Variants in IGBP1 observed in about 807,000 individuals in gnomAD.
IGBP1 encodes immunoglobulin-binding protein 1.
A neutral mutation model predicts 25.9 loss-of-function variants in IGBP1; 2 were observed. That is an observed-to-expected ratio of 0.08 (90% CI 0.03 to 0.24). IGBP1 has a LOEUF of 0.24. Ranked by LOEUF, IGBP1 falls within the 10% of genes least tolerant of loss-of-function variation. IGBP1 has a pLI of 1.00. For missense variants in IGBP1, 187 were observed against 260.4 expected, an observed-to-expected ratio of 0.72 and a Z score of 1.94; for synonymous variants, 96 against 93.4, an observed-to-expected ratio of 1.03 and a Z score of -0.16.
chrX:70,157,381 C>T (rs2085247857), intron 6 of IGBP1, among the ~76,000 whole-genome samples: 1 of 111,090 alleles, frequency 9.0e-6, no homozygotes, highest in Non-Finnish European at 1.9e-5. Context: ...AAATTGGACA[C>T]GTGTATACTC....
chrX:70,137,244 C>T (rs1005199519), intron 3 of IGBP1, among the ~76,000 whole-genome samples: 9 of 110,590 alleles, frequency 8.1e-5, no homozygotes, highest in Admixed American at 4.8e-4. Context: ...GGAAAGATGT[C>T]CATGTTTCTG....
intron 6 of IGBP1, among the ~76,000 whole-genome samples, chrX:70,152,658 A>T (rs1026742874): frequency 8.9e-6 from 1 of 112,393 alleles, no homozygotes; most frequent in Non-Finnish European, 1.9e-5. Context: ...TCAGCAGAGA[A>T]ATAGAAACTA....
At chrX:70,134,929 A>G in intron 3 of IGBP1, 113 bp downstream of exon 3, 1 of 749,333 alleles carries the variant, frequency 1.3e-6, no homozygotes, top group Non-Finnish European at 2.1e-6. Flanking sequence ...CTTGGTTCTT[A>G]TTGAGCATAG....
chrX:70,148,375 G>A (rs1448676130), intron 4 of IGBP1, among the ~76,000 whole-genome samples: 2 of 112,036 alleles, frequency 1.8e-5, no homozygotes, highest in African/African-American at 6.5e-5. Flanking sequence ...TAGAAGGGTC[G>A]TAGTGATTCA....
At chrX:70,136,727 T>A (rs867676269) in intron 3 of IGBP1, among the ~76,000 whole-genome samples, 2 of 107,674 alleles carry the variant, frequency 1.9e-5, no homozygotes, top group African/African-American at 6.9e-5. Context: ...TTATTATTAT[T>A]ATACAGAGTT....
At chrX:70,139,840 G>T (rs1281395720) in intron 3 of IGBP1, among the ~76,000 whole-genome samples, 2 of 111,837 alleles carry the variant, frequency 1.8e-5, no homozygotes, top group Non-Finnish European at 1.9e-5. Context: ...CCAAGGCCTT[G>T]TGTGATCTGC....
intron 6 of IGBP1, among the ~76,000 whole-genome samples, chrX:70,158,720 G>A (rs1011439097): frequency 3.7e-4 from 41 of 111,307 alleles, no homozygotes; most frequent in African/African-American, 1.3e-3. Context: ...GTACGTGCCT[G>A]TAGTCCCAGC....
intron 4 of IGBP1, among the ~76,000 whole-genome samples, chrX:70,147,380 G>A (rs2085173390): frequency 9.1e-6 from 1 of 110,175 alleles, no homozygotes. Context: ...CTGAGATCAT[G>A]CCACTGCACT....
chrX:70,155,536 T>C (rs2085235048), intron 6 of IGBP1, among the ~76,000 whole-genome samples: 1 of 106,502 alleles, frequency 9.4e-6, no homozygotes, highest in Middle Eastern at 4.4e-3. Flanking sequence ...TTGAGCATCC[T>C]AAATCTGAAA....
chrX:70,146,474 G>T (rs987639348), intron 3 of IGBP1, among the ~76,000 whole-genome samples, 159 bp from the exon 4 acceptor site: 5 of 110,875 alleles, frequency 4.5e-5, no homozygotes, highest in African/African-American at 1.6e-4. Context: ...GAACTGCCTG[G>T]TGGCTAATTC....
intron 6 of IGBP1, among the ~76,000 whole-genome samples, chrX:70,162,175 A>G (rs758728693): frequency 2.1e-4 from 23 of 111,672 alleles, no homozygotes; most frequent in Non-Finnish European, 4.0e-4. Flanking sequence ...ACCTACAAAT[A>G]CCACTTTGGT....
chrX:70,155,599 G>A (rs1297560293), intron 6 of IGBP1, among the ~76,000 whole-genome samples: 1 of 110,895 alleles, frequency 9.0e-6, no homozygotes, highest in Admixed American at 9.6e-5. Context: ...CTAATGTGAT[G>A]CTTAAAGGAA....
Position 70,150,375 on chromosome X carries a change from C to T in IGBP1, c.871+53C>T, listed in dbSNP as rs6625582. On this transcript the variant is annotated intron_variant, in intron 6 of 6. Coordinates refer to ENST00000356413, the MANE Select transcript of IGBP1 (RefSeq NM_001551.3). ...GTACCACTGGTCTTTTACTCCCTGG[C>T]AATTAAGTTCTTACCAAGTATAGTT... 4.3e-3 allele frequency: 3,154 copies of T among 740,281 alleles called. 52 individuals are homozygous for T. The African/African-American group carries it at 0.059, about 14-fold the overall frequency. The allele number at this position is 740,281 out of a possible 1,213,427, so 61.0% of individuals were successfully genotyped here. A position where few individuals can be genotyped will look rare whatever the true frequency, so the allele number is the denominator to read the frequency against.
intron 3 of IGBP1, among the ~76,000 whole-genome samples, chrX:70,135,151 C>T (rs1455773970): frequency 8.9e-6 from 1 of 112,139 alleles, no homozygotes; most frequent in African/African-American, 3.2e-5. Context: ...AAAGCTAGGC[C>T]ATTTTATGGT....
chrX:70,145,573 G>C (rs771581067), intron 3 of IGBP1, among the ~76,000 whole-genome samples: 1 of 111,384 alleles, frequency 9.0e-6, no homozygotes, highest in Non-Finnish European at 1.9e-5. Flanking sequence ...AAAATACCAT[G>C]ATATTTGATA....
chrX:70,138,930 A>G (rs1257620740), intron 3 of IGBP1, among the ~76,000 whole-genome samples: 3 of 112,347 alleles, frequency 2.7e-5, no homozygotes, highest in Non-Finnish European at 5.6e-5. Context: ...AAGTGTTTGA[A>G]TATTTTGAGG....
At chrX:70,146,603 G>C in intron 3 of IGBP1, 30 bp from the exon 4 acceptor site, 1 of 1,165,944 alleles carries the variant, frequency 8.6e-7, no homozygotes, top group South Asian at 1.8e-5. Flanking sequence ...TCATTTGTAA[G>C]TTCATGGGTA....
At chrX:70,138,135 C>CA (rs1161746139) in intron 3 of IGBP1, among the ~76,000 whole-genome samples, 5 of 106,518 alleles carry the variant, frequency 4.7e-5, no homozygotes, top group Admixed American at 4.0e-4. Context: ...GACTGTGTCT[C>CA]AAAAAAAAAG....
At chrX:70,142,057 G>A (rs1026110621) in intron 3 of IGBP1, among the ~76,000 whole-genome samples, 7 of 111,969 alleles carry the variant, frequency 6.3e-5, no homozygotes, top group African/African-American at 2.3e-4. Flanking sequence ...AGTAGGCCAG[G>A]TGTGGTGGCT....
Sources: allele counts gnomAD v4.1 joint callset (sites outside exome capture counted in the v4.1 genomes callset), GRCh38; gene constraint gnomAD v4.1.1; transcripts MANE v1.5; gene names NCBI Gene and HGNC (gene_info 2026-07-23, HGNC 2026-07-21).